GABRA3: variants seen among roughly 807,000 people sequenced by gnomAD.
GABRA3 encodes the protein gamma-aminobutyric acid type A receptor subunit alpha3, also known as gamma-aminobutyric acid receptor subunit alpha-3.
A neutral mutation model predicts 30.1 loss-of-function variants in GABRA3; 10 were observed. The observed-to-expected ratio is 0.33, with a 90% CI of 0.20 to 0.56. GABRA3 has a LOEUF of 0.56. Ranked by LOEUF, GABRA3 falls within the 20% of genes least tolerant of loss-of-function variation. The pLI, the probability that GABRA3 is intolerant of heterozygous loss-of-function variation, is 0.89. For missense variants in GABRA3, 233 were observed against 392.0 expected (o/e 0.59, Z 3.42); for synonymous variants, 151 against 146.8 (o/e 1.03, Z -0.21).
In GABRA3 at chrX:152,364,428, T is replaced by C; in HGVS notation, c.140+3A>G. 1 of 1,206,934 alleles carries C rather than the reference T, an allele frequency of 8.3e-7. No homozygotes were observed. Among genetic ancestry groups the C allele is most frequent in the Non-Finnish European group, 1.1e-6 (1 of 893,143 alleles). Reference sequence around the variant, plus strand: ...TTTCATCCTAAGAGTTAGGGGTTCTTACCCGCCAATGTCCTGCTTCACAAA... The same window carrying C: ...TTTCATCCTAAGAGTTAGGGGTTCTCACCCGCCAATGTCCTGCTTCACAAA... On this transcript the variant is annotated splice_donor_region_variant and intron_variant, in intron 2 of 9. Transcript: ENST00000370314.
At chrX:152,228,343 G>A (rs111337974) in intron 5 of GABRA3, among the ~76,000 whole-genome samples, 1 of 111,878 alleles carries the variant, frequency 8.9e-6, no homozygotes, top group African/African-American at 3.2e-5. Context: ...TCTGTGCTTA[G>A]GTGGGTTGAG....
intron 3 of GABRA3, among the ~76,000 whole-genome samples, chrX:152,296,638 C>G (rs1343082594): frequency 9.0e-6 from 1 of 110,572 alleles, no homozygotes; most frequent in Non-Finnish European, 1.9e-5. Context: ...GCTATTCCCT[C>G]TAGTGTCTAG....
At position 152,443,058 on chromosome X, in the gene GABRA3, G is replaced by A. The variant is rs1007787048; in HGVS notation, c.-27+8088C>T. Among the ~76,000 whole-genome samples, 3 of 111,587 alleles carry A rather than the reference G, an allele frequency of 2.7e-5. No individual in the cohort carries two copies. In the Admixed American group the frequency reaches 2.8e-4, roughly 11 times the overall value. On this transcript the variant is annotated intron_variant, in intron 1 of 9. Transcript: ENST00000370314. ...CAATTTAAAATGTAAACTTTTAAAT[G>A]TAAACATTTAAAATGTAAGTGGGAG...
Position 152,332,840 on chromosome X carries a change from T to C in GABRA3, c.262+12741A>G, listed in dbSNP as rs765521205. On this transcript the variant is annotated intron_variant, in intron 3 of 9. Transcript: ENST00000370314. Reference sequence around the variant, plus strand: ...TTTGCTTTAACCCACAAGCATCATCTTGCTTCTCATTTTAAAATTTTATGG... The same window carrying C: ...TTTGCTTTAACCCACAAGCATCATCCTGCTTCTCATTTTAAAATTTTATGG... Among the ~76,000 whole-genome samples the C allele has an allele frequency of 4.4e-5, 5 of 112,489 alleles. No individual in the cohort carries two copies. The East Asian group carries it at 1.4e-3, about 32-fold the overall frequency.
intron 3 of GABRA3, among the ~76,000 whole-genome samples, chrX:152,310,476 A>C (rs934356767): frequency 6.2e-5 from 7 of 112,032 alleles, no homozygotes; most frequent in African/African-American, 2.3e-4. Flanking sequence ...ATACCAAAAT[A>C]TCTCTCAAAA....
intron 1 of GABRA3, among the ~76,000 whole-genome samples, chrX:152,434,660 C>T (rs1391406324): frequency 1.8e-5 from 2 of 111,050 alleles, no homozygotes; most frequent in African/African-American, 6.5e-5. Context: ...AAAAATAAGC[C>T]GAGATATATA....
At position 152,436,061 on chromosome X, in the gene GABRA3, G is replaced by A. The variant is rs150015476; in HGVS notation, c.-27+15085C>T. ...ACGTTATACCATCTTAATGTATCAG[G>A]AGACTCAAGGTAGTTAAGATGTCAT... On this transcript the variant is annotated intron_variant, in intron 1 of 9. Transcript: ENST00000370314. Among the ~76,000 whole-genome samples the A allele has an allele frequency of 5.5e-3, 614 of 110,952 alleles. 1 individual carries two copies. The highest frequency in any genetic ancestry group is 0.014 in the Middle Eastern group (3 of 212).
chrX:152,217,222 T>C lies in GABRA3; in HGVS notation c.634+7541A>G, dbSNP rs766030520. On this transcript the variant is annotated intron_variant, in intron 6 of 9. Coordinates refer to ENST00000370314, the MANE Select transcript of GABRA3 (RefSeq NM_000808.4). ...GAGATGATCGTGTGGTTTTTGTCCATTTTATTAATATGTCATATTAGGTTG... is the reference window on the plus strand; with the variant it reads ...GAGATGATCGTGTGGTTTTTGTCCACTTTATTAATATGTCATATTAGGTTG... 3.6e-5 allele frequency among the ~76,000 whole-genome samples: 4 copies of C among 111,316 alleles called. No individual in the cohort carries two copies. In the South Asian group the frequency reaches 1.5e-3, roughly 41 times the overall value.
At chrX:152,205,315 CA>C (rs750039478) in intron 7 of GABRA3, among the ~76,000 whole-genome samples, 6 of 110,606 alleles carry the variant, frequency 5.4e-5, no homozygotes, top group African/African-American at 1.3e-4. Context: ...CAATATGTAT[CA>C]ATTTTTTTTA....
At chrX:152,443,003 C>A (rs1036705103) in intron 1 of GABRA3, among the ~76,000 whole-genome samples, 1 of 111,670 alleles carries the variant, frequency 9.0e-6, no homozygotes, top group African/African-American at 3.2e-5. Flanking sequence ...AATATAATTA[C>A]ATAAAATTAA....
chrX:152,440,252 A>T (rs1930889187), intron 1 of GABRA3, among the ~76,000 whole-genome samples: 1 of 112,905 alleles, frequency 8.9e-6, no homozygotes, highest in Non-Finnish European at 1.9e-5. Context: ...TTATGCAGCC[A>T]ACAAACATAT....
chrX:152,275,470 A>ATATTTAC (rs1939064537), intron 4 of GABRA3, among the ~76,000 whole-genome samples: 16 of 8,369 alleles, frequency 1.9e-3, no homozygotes, highest in Middle Eastern at 0.056. Context: ...ATATCAAATA[A>ATATTTAC]ATAGAGCTGG....
chrX:152,213,881 G>A (rs1286469938), intron 6 of GABRA3, among the ~76,000 whole-genome samples: 1 of 111,786 alleles, frequency 8.9e-6, no homozygotes, highest in Admixed American at 9.5e-5. Flanking sequence ...TCAAAAATCA[G>A]TTGGCTGTAA....
intron 2 of GABRA3, among the ~76,000 whole-genome samples, chrX:152,355,047 A>C (rs1306127902): frequency 1.8e-5 from 2 of 111,387 alleles, no homozygotes; most frequent in Non-Finnish European, 3.8e-5. Flanking sequence ...ATGAATACAG[A>C]TGCTTACAAG....
In GABRA3 at chrX:152,168,301, A is replaced by G. The variant is rs1255161700; in HGVS notation, c.1406T>C (p.Ile469Thr). 1 of 1,211,518 alleles carries G rather than the reference A, an allele frequency of 8.3e-7. No homozygotes were observed. The highest frequency in any genetic ancestry group is 1.8e-5 in the South Asian group (1 of 56,971). Residue 469 changes from isoleucine (I) to threonine (T), a missense_variant, in exon 10 of 10, where the codon ATA becomes ACA. Ile to Thr is a moderately conservative substitution (Grantham distance 89). Coordinates refer to ENST00000370314, the MANE Select transcript of GABRA3 (RefSeq NM_000808.4). Reference sequence around the variant, plus strand: ...TGTGGCCCAATAGACCAGATTGAATATGGCAAAGAGCACAGGAAAGATGAT... The same window carrying G: ...TGTGGCCCAATAGACCAGATTGAATGTGGCAAAGAGCACAGGAAAGATGAT... ...SRIIFPVLFA[I>T]FNLVYWATYV...
intron 5 of GABRA3, among the ~76,000 whole-genome samples, chrX:152,253,445 T>G (rs1190955183): frequency 1.8e-5 from 2 of 111,536 alleles, no homozygotes; most frequent in South Asian, 3.7e-4. Context: ...TTTCATATCA[T>G]CTACTCCAGC....
At chrX:152,386,630 TA>T (rs1352623291) in intron 1 of GABRA3, among the ~76,000 whole-genome samples, 1 of 107,116 alleles carries the variant, frequency 9.3e-6, no homozygotes, top group Non-Finnish European at 1.9e-5. Context: ...TGGCGATCAT[TA>T]AAAAGTCAGG....
chrX:152,234,206 A>AT (rs142772132), intron 5 of GABRA3, among the ~76,000 whole-genome samples: 29,358 of 109,466 alleles, frequency 0.27, 3,443 homozygotes, highest in African/African-American at 0.42. Context: ...TAATAAAAAA[A>AT]ATTAAAAAAT....
intron 1 of GABRA3, among the ~76,000 whole-genome samples, chrX:152,435,870 T>C (rs12014875): frequency 0.05 from 5,555 of 111,595 alleles, 206 homozygotes; most frequent in African/African-American, 0.12. Context: ...TGTATTGCTA[T>C]GCACTAATAA....
Sources: gnomAD v4.1 joint callset for allele counts (sites outside exome capture counted in the v4.1 genomes callset) on GRCh38, gnomAD v4.1.1 for gene constraint, MANE v1.5 for transcripts, NCBI Gene and HGNC (gene_info 2026-07-23, HGNC 2026-07-21) for gene names.